Variants in BAG4 observed in about 807,000 individuals in gnomAD.
BAG4 encodes BAG cochaperone 4.
In BAG4, 28 loss-of-function variants were observed where a neutral mutation model predicts 52.1. The observed-to-expected ratio is 0.54, with a 90% CI of 0.40 to 0.74. BAG4 has a LOEUF of 0.74. Among genes scored for constraint, BAG4 ranks in the 30% least tolerant of loss-of-function variants. The pLI is 0.00. For missense variants in BAG4, 525 were observed against 572.0 expected (o/e 0.92, Z 0.84); for synonymous variants, 208 against 217.0 (o/e 0.96, Z 0.37).
chr8:38,198,341 G>A (rs59869040), intron 2 of BAG4, among the ~76,000 whole-genome samples: 83 of 142,448 alleles, frequency 5.8e-4, no homozygotes, highest in African/African-American at 2.0e-3. Context: ...CCGAGATCAC[G>A]CCACTGCACT....
At chr8:38,198,457 C>T in intron 2 of BAG4, among the ~76,000 whole-genome samples, 1 of 141,534 alleles carries the variant, frequency 7.1e-6, no homozygotes, top group Non-Finnish European at 1.5e-5. Flanking sequence ...AAGCTTTTTC[C>T]TGTTTTTAAG....
Position 38,188,872 on chromosome 8 carries a change from C to T in BAG4, c.271-3816C>T, listed in dbSNP as rs1237099993. ...GCAGTGGCACGATCTTGGCTCACTG[C>T]AACCTCCGCCTCCCAGGTTCAAGCA... On this transcript the variant is annotated intron_variant, in intron 1 of 4. Transcript: ENST00000287322. Among the ~76,000 whole-genome samples the T allele has an allele frequency of 8.5e-5, 13 of 152,060 alleles. No individual in the cohort carries two copies. The East Asian group carries it at 1.9e-3, about 23-fold the overall frequency.
intron 1 of BAG4, among the ~76,000 whole-genome samples, chr8:38,180,462 G>A (rs1167894498): frequency 1.4e-5 from 2 of 140,992 alleles, no homozygotes; most frequent in Non-Finnish European, 1.5e-5. Context: ...GGCAGAAGTT[G>A]CAGTGAGCCG....
At chr8:38,185,089 CAAAA>C (rs1212526970) in intron 1 of BAG4, among the ~76,000 whole-genome samples, 1 of 101,476 alleles carries the variant, frequency 9.9e-6, no homozygotes. Flanking sequence ...GACTCTGTCT[CAAAA>C]AAAAAAAAAA....
intron 1 of BAG4, among the ~76,000 whole-genome samples, chr8:38,177,647 G>T (rs1242133619): frequency 6.6e-6 from 1 of 152,116 alleles, no homozygotes; most frequent in Non-Finnish European, 1.5e-5. Flanking sequence ...AATAATCAGT[G>T]TTGTAAAGTA....
chr8:38,199,161 T>C (rs533999715), intron 2 of BAG4, among the ~76,000 whole-genome samples: 26 of 152,350 alleles, frequency 1.7e-4, no homozygotes, highest in African/African-American at 5.0e-4. Flanking sequence ...AGCAAGTTTG[T>C]TTACACCAGC....
rs1347320818 is a variant in BAG4, at chr8:38,192,745, A to G, written c.328A>G (p.Arg110Gly). Residue 110 changes from arginine to glycine, a missense_variant, in exon 2 of 5, where the codon AGG becomes GGG. Arg to Gly is a moderately radical substitution (Grantham distance 125, BLOSUM62 -2). Coordinates refer to ENST00000287322, the MANE Select transcript of BAG4 (RefSeq NM_004874.4). ...SNYWNSTARS[R>G]APYPSTYPVR... ...CTATTGGAATTCTACTGCGAGATCT[A>G]GGGCTCCTTACCCAAGTACATATCC... 5 of 1,613,708 alleles carry G rather than the reference A, an allele frequency of 3.1e-6. No homozygotes were observed. Among genetic ancestry groups the G allele is most frequent in the South Asian group, 1.1e-5 (1 of 90,986 alleles).
At chr8:38,188,295 AAGAC>A (rs1280478542) in intron 1 of BAG4, among the ~76,000 whole-genome samples, 2 of 148,058 alleles carry the variant, frequency 1.4e-5, no homozygotes, top group Non-Finnish European at 3.0e-5. Context: ...ATCTAGTCAG[AAGAC>A]AGACTGGATT....
At chr8:38,202,643 G>A (rs985398450) in intron 2 of BAG4, among the ~76,000 whole-genome samples, 1 of 151,566 alleles carries the variant, frequency 6.6e-6, no homozygotes, top group African/African-American at 2.4e-5. Flanking sequence ...TCTGGCTCAG[G>A]TGATCCTCCC....
chr8:38,201,866 ATATATATATATATATTTTTTT>A (rs1410452599), intron 2 of BAG4: 175 of 7,988 alleles, frequency 0.022, 6 homozygotes, highest in Non-Finnish European at 0.032. Context: ...ATATATATAT[ATATATATATATATATTTTTTT>A]TTTTTTTTTT....
chr8:38,182,324 A>G (rs1423203978), intron 1 of BAG4, among the ~76,000 whole-genome samples: 1 of 152,230 alleles, frequency 6.6e-6, no homozygotes, highest in Admixed American at 6.5e-5. Context: ...AATGGAATTT[A>G]TGTAGTACGA....
At chr8:38,184,872 C>T (rs929220373) in intron 1 of BAG4, among the ~76,000 whole-genome samples, 1 of 152,062 alleles carries the variant, frequency 6.6e-6, no homozygotes, top group African/African-American at 2.4e-5. Context: ...GGGCAGATCA[C>T]GAGGTCAGGA....
At position 38,210,168 on chromosome 8, in the gene BAG4, A is replaced by G. The variant is rs758453361; in HGVS notation, c.1049A>G (p.Asn350Ser). The G allele has an allele frequency of 1.1e-5, 18 of 1,614,070 alleles. No individual in the cohort carries two copies. The highest frequency in any genetic ancestry group is 8.3e-5 in the Admixed American group (5 of 59,998). Reference protein sequence around the residue: ...QYSAEPQLYGNATSDHPNNQD... With the variant: ...QYSAEPQLYGSATSDHPNNQD... Reference sequence around the variant, plus strand: ...AGTGCTGAGCCTCAGCTGTATGGTAATGCCACCAGTGACCATCCCAACAAT... The same window carrying G: ...AGTGCTGAGCCTCAGCTGTATGGTAGTGCCACCAGTGACCATCCCAACAAT... The change falls in exon 5 of 5, where the codon AAT (asparagine) becomes AGT (serine). Residue 350 changes from asparagine to serine, a missense_variant. Around this residue, in one of 2 missense-constraint regions of BAG4, gnomAD observed 238 missense variants for 305.8 expected, o/e 0.78. Coordinates refer to ENST00000287322, the MANE Select transcript of BAG4 (RefSeq NM_004874.4).
chr8:38,195,221 G>A (rs1054539368), intron 2 of BAG4, among the ~76,000 whole-genome samples: 1 of 152,150 alleles, frequency 6.6e-6, no homozygotes, highest in Admixed American at 6.6e-5. Context: ...CATGATGACA[G>A]CTCACTGCAT....
chr8:38,209,392 T>G, intron 4 of BAG4, 125 bp downstream of exon 4: 1 of 1,295,924 alleles, frequency 7.7e-7, no homozygotes, highest in Non-Finnish European at 1.0e-6. Context: ...TGACTACTTA[T>G]CTATAGCTTT....
rs949495614 is a variant in BAG4, at chr8:38,197,851, C to T, written c.378+5056C>T. 4.3e-4 allele frequency among the ~76,000 whole-genome samples: 65 copies of T among 151,982 alleles called. 1 individual carries two copies. The highest frequency in any genetic ancestry group is 2.9e-5 in the Non-Finnish European group (2 of 67,980). ...AGTAGCTGGGACTACAGGCGTGTGCCACCACACCTGGCTAATTTTTGTGTT... is the reference window on the plus strand; with the variant it reads ...AGTAGCTGGGACTACAGGCGTGTGCTACCACACCTGGCTAATTTTTGTGTT... On this transcript the variant is annotated intron_variant, in intron 2 of 4. Coordinates refer to ENST00000287322, the MANE Select transcript of BAG4 (RefSeq NM_004874.4).
intron 1 of BAG4, among the ~76,000 whole-genome samples, chr8:38,188,554 T>G (rs1224628275): frequency 1.3e-5 from 2 of 151,272 alleles, no homozygotes. Flanking sequence ...ATTACATATA[T>G]GCACATATAA....
chr8:38,186,294 C>T (rs7341569), intron 1 of BAG4, among the ~76,000 whole-genome samples: 82 of 152,248 alleles, frequency 5.4e-4, no homozygotes, highest in African/African-American at 1.4e-3. Flanking sequence ...CCTCCCTTCC[C>T]GTGGGTACTC....
intron 1 of BAG4, among the ~76,000 whole-genome samples, chr8:38,189,810 C>T (rs1413320321): frequency 8.6e-6 from 1 of 115,748 alleles, no homozygotes; most frequent in Admixed American, 8.7e-5. Flanking sequence ...GGTTAAATTA[C>T]GTTTTGTTGT....
Sources: gnomAD v4.1 joint callset for allele counts (sites outside exome capture counted in the v4.1 genomes callset) on GRCh38, gnomAD v4.1.1 for gene constraint, gnomAD v4.1.1 regional missense constraint, MANE v1.5 for transcripts, NCBI Gene and HGNC (gene_info 2026-07-23, HGNC 2026-07-21) for gene names.